The following PHLPP1 variants were observed in gnomAD, a reference collection of about 807,000 sequenced individuals.
PHLPP1 encodes PH domain and leucine rich repeat protein phosphatase 1, also known as PH domain leucine-rich repeat-containing protein phosphatase 1.
PHLPP1 carries 42 observed loss-of-function variants against 117.2 expected under a neutral mutation model. The ratio of observed to expected loss-of-function variants is 0.36; its 90% CI spans 0.28 to 0.46. The LOEUF (loss-of-function observed/expected upper bound fraction) is 0.46. Ranked by LOEUF, PHLPP1 falls within the 20% of genes least tolerant of loss-of-function variation. The pLI, the probability that PHLPP1 is intolerant of heterozygous loss-of-function variation, is 1.00. For synonymous variants in PHLPP1, 1,042 were observed against 970.7 expected (o/e 1.07, Z -1.37); for missense variants, 2,084 against 2,241.9 (o/e 0.93, Z 1.42).
At chr18:62,770,476 T>G (rs1160854366) in intron 1 of PHLPP1, among the ~76,000 whole-genome samples, 2 of 152,334 alleles carry the variant, frequency 1.3e-5, no homozygotes, top group African/African-American at 4.8e-5. Flanking sequence ...TACAGGCCAT[T>G]TTAGCAAAAT....
intron 1 of PHLPP1, among the ~76,000 whole-genome samples, chr18:62,721,650 C>T (rs1437258917): frequency 6.6e-6 from 1 of 152,038 alleles, no homozygotes; most frequent in African/African-American, 2.4e-5. Flanking sequence ...GTAAGTTCTT[C>T]TCCTTGAATT....
chr18:62,717,300 G>T, intron 1 of PHLPP1, 41 bp downstream of exon 1: 2 of 1,533,336 alleles, frequency 1.3e-6, no homozygotes, highest in South Asian at 2.5e-5. Context: ...TGCAAAAGCT[G>T]CCGAGGACCG....
At chr18:62,821,458 A>G (rs1914451276) in intron 1 of PHLPP1, among the ~76,000 whole-genome samples, 2 of 147,606 alleles carry the variant, frequency 1.4e-5, no homozygotes, top group Non-Finnish European at 3.0e-5. Flanking sequence ...CTGGGCTGGG[A>G]GAATCACTTC....
At chr18:62,836,138 A>T (rs28379179) in intron 2 of PHLPP1, among the ~76,000 whole-genome samples, 28,279 of 151,540 alleles carry the variant, frequency 0.19, 4,036 homozygotes, top group African/African-American at 0.41. Flanking sequence ...ATAAATAAAT[A>T]AATTAATTAA....
At chr18:62,849,832 A>AAAAAATAT (rs1555677083) in intron 3 of PHLPP1, among the ~76,000 whole-genome samples, 3 of 33,080 alleles carry the variant, frequency 9.1e-5, no homozygotes, top group South Asian at 1.2e-3. Flanking sequence ...AAAAAAAAAA[A>AAAAAATAT]ATATATATAT....
In PHLPP1 at chr18:62,715,949, G is replaced by A. The variant is rs1234815300; in HGVS notation, c.266G>A (p.Gly89Asp). The A allele has an allele frequency of 1.4e-5, 16 of 1,182,024 alleles. No homozygotes were observed. The South Asian group carries it at 4.5e-4, about 33-fold the overall frequency. 73.2% of individuals were successfully genotyped at this position (1,182,024 alleles called of 1,614,324 possible). ...GGGCCGCTGCCGGGCAGAGCGGGGG[G>A]TGCCGGGCGCAGGAGGCGGCGCGGG... The part of the protein sequence containing the change: ...PPGPLPGRAG[G>D]AGRRRRRGAP... Residue 89 changes from glycine (G) to aspartate (D), a missense_variant, in exon 1 of 17, where the codon GGT (glycine) becomes GAT (aspartate). By Grantham distance (94) the Gly-to-Asp change is moderately conservative. This residue lies in a region of PHLPP1 where 719 missense variants were observed against 636.0 expected (regional missense o/e 1.13). Transcript: ENST00000262719.
At chr18:62,948,280 A>G (rs1193249973) in intron 12 of PHLPP1, among the ~76,000 whole-genome samples, 1 of 151,820 alleles carries the variant, frequency 6.6e-6, no homozygotes, top group Non-Finnish European at 1.5e-5. Context: ...AGCCGAGATC[A>G]CACCAATACA....
At chr18:62,965,443 A>C (rs1312586150) in intron 14 of PHLPP1, among the ~76,000 whole-genome samples, 1 of 148,276 alleles carries the variant, frequency 6.7e-6, no homozygotes, top group African/African-American at 2.5e-5. Context: ...ACAGTTGGAT[A>C]ATCAGCCTCT....
At chr18:62,795,492 CAA>C (rs11291832) in intron 1 of PHLPP1, among the ~76,000 whole-genome samples, 33 of 61,394 alleles carry the variant, frequency 5.4e-4, no homozygotes, top group Middle Eastern at 7.9e-3. Flanking sequence ...GACTCCATCT[CAA>C]AAAAAAAAAA....
chr18:62,815,173 T>C (rs1914234096), intron 1 of PHLPP1, among the ~76,000 whole-genome samples: 1 of 151,460 alleles, frequency 6.6e-6, no homozygotes, highest in South Asian at 2.1e-4. Context: ...CTTTTTTTTT[T>C]TTTTGACAGA....
intron 4 of PHLPP1, among the ~76,000 whole-genome samples, chr18:62,878,202 A>C (rs939232270): frequency 7.2e-5 from 11 of 152,228 alleles, no homozygotes; most frequent in African/African-American, 1.2e-4. Flanking sequence ...CTCCTAGTGC[A>C]TAGTAATAAG....
chr18:62,818,011 C>T (rs111400510), intron 1 of PHLPP1, among the ~76,000 whole-genome samples: 3 of 151,810 alleles, frequency 2.0e-5, no homozygotes, highest in South Asian at 2.1e-4. Context: ...TGCACCACCA[C>T]GCCCAGCTAA....
chr18:62,790,136 A>T (rs1437374693), intron 1 of PHLPP1, among the ~76,000 whole-genome samples: 1 of 152,208 alleles, frequency 6.6e-6, no homozygotes, highest in African/African-American at 2.4e-5. Context: ...ACTATAAATA[A>T]GAAGGCTAAA....
In PHLPP1 at chr18:62,919,998, A is replaced by G; in HGVS notation, c.2844A>G (p.Gly948=). The change falls in exon 10 of 17, where the codon GGA becomes GGG. Residue 948 remains glycine, a synonymous_variant. Transcript: ENST00000262719. ...GCAGTCTCCGGAAACTACTGGCAGG[A>G]CACAACCAGTTGGCAAGGCTGCCTG... ...CNSSLRKLLA[G]HNQLARLPER... 6.2e-7 allele frequency: 1 copy of G among 1,608,396 alleles called. No individual in the cohort carries two copies. Among genetic ancestry groups the G allele is most frequent in the Non-Finnish European group, 8.5e-7 (1 of 1,176,976 alleles).
At chr18:62,763,055 G>GT (rs1356693716) in intron 1 of PHLPP1, among the ~76,000 whole-genome samples, 2 of 152,138 alleles carry the variant, frequency 1.3e-5, no homozygotes, top group Non-Finnish European at 2.9e-5. Flanking sequence ...AAGTCTACCA[G>GT]TCTAAGGATC....
intron 11 of PHLPP1, among the ~76,000 whole-genome samples, chr18:62,943,945 A>G (rs917606309): frequency 1.3e-5 from 2 of 152,224 alleles, no homozygotes; most frequent in African/African-American, 4.8e-5. Flanking sequence ...TGTATATGAT[A>G]TTAAAAGGTC....
intron 15 of PHLPP1, among the ~76,000 whole-genome samples, chr18:62,974,423 T>C (rs1057355341): frequency 1.3e-5 from 2 of 152,192 alleles, no homozygotes; most frequent in Non-Finnish European, 2.9e-5. Context: ...TTCTTGCCAG[T>C]TGCTTACCTT....
chr18:62,816,836 A>G (rs1472146475), intron 1 of PHLPP1, among the ~76,000 whole-genome samples: 1 of 152,192 alleles, frequency 6.6e-6, no homozygotes, highest in African/African-American at 2.4e-5. Context: ...ATTAAATAAG[A>G]CATCATTTCT....
chr18:62,938,451 C>T (rs1910036029), intron 10 of PHLPP1, among the ~76,000 whole-genome samples: 2 of 152,140 alleles, frequency 1.3e-5, no homozygotes, highest in Non-Finnish European at 2.9e-5. Flanking sequence ...TTGTCTCCTG[C>T]TGAAACATTG....
Sources: allele counts gnomAD v4.1 joint callset (sites outside exome capture counted in the v4.1 genomes callset), GRCh38; gene constraint gnomAD v4.1.1; regional missense constraint gnomAD v4.1.1; transcripts MANE v1.5; gene names NCBI Gene and HGNC (gene_info 2026-07-23, HGNC 2026-07-21).